The following TRAP1 variants were observed in gnomAD, a reference collection of about 807,000 sequenced individuals.
TRAP1 encodes TNF receptor associated protein 1.
In TRAP1, 102 loss-of-function variants were observed where a neutral mutation model predicts 89.1. That is an observed-to-expected ratio of 1.15 (90% CI 0.98 to 1.35). The LOEUF (loss-of-function observed/expected upper bound fraction) is 1.35. Ranked by LOEUF, TRAP1 falls within the 40% of genes most tolerant of loss-of-function variation. The probability of loss-of-function intolerance (pLI) is 0.00; values close to 1 mark genes in which losing one functional copy is unlikely to be tolerated. For missense variants in TRAP1, 1,256 were observed against 945.3 expected, an observed-to-expected ratio of 1.33 and a Z score of -4.31; for synonymous variants, 508 against 388.0, an observed-to-expected ratio of 1.31 and a Z score of -3.64.
At chr16:3,701,237 T>G (rs1161672059) in intron 1 of TRAP1, among the ~76,000 whole-genome samples, 1 of 152,158 alleles carries the variant, frequency 6.6e-6, no homozygotes, top group Non-Finnish European at 1.5e-5. Context: ...AACAAACAAT[T>G]CATCAGGAAA....
intron 11 of TRAP1, among the ~76,000 whole-genome samples, 195 bp from the exon 12 acceptor site, chr16:3,666,313 G>T (rs1244625112): frequency 1.3e-5 from 2 of 152,130 alleles, no homozygotes; most frequent in African/African-American, 4.8e-5. Context: ...AGGCAGCAGG[G>T]TGGAGGGCAG....
intron 8 of TRAP1, 82 bp from the exon 9 acceptor site, chr16:3,674,576 G>C: frequency 6.6e-7 from 1 of 1,525,976 alleles, no homozygotes; most frequent in Non-Finnish European, 8.9e-7. Context: ...AGCCAGTGCA[G>C]CGCCTGGCCC....
At chr16:3,707,978 A>G (rs1037937443) in intron 1 of TRAP1, among the ~76,000 whole-genome samples, 6 of 152,232 alleles carry the variant, frequency 3.9e-5, no homozygotes, top group South Asian at 2.1e-4. Context: ...TGAGACCAGG[A>G]GTTCAAGACA....
rs71133652 is a variant in TRAP1, at chr16:3,710,879, A to ATATATATATATTTTT, written c.88+6541_88+6542insAAAAATATATATATA. Among the ~76,000 whole-genome samples, 14 of 125,786 alleles carry ATATATATATATTTTT rather than the reference A, an allele frequency of 1.1e-4. No homozygotes were observed. The East Asian group carries it at 1.2e-3, about 11-fold the overall frequency. 82.5% of individuals were successfully genotyped at this position (125,786 alleles called of 152,430 possible). A position where few individuals can be genotyped will look rare whatever the true frequency, so the allele number is the denominator to read the frequency against. ...TGTGTATATATATATATATATATATATTTTTTTTTTTGAGACACTGTCACT... is the reference window on the plus strand; with the variant it reads ...TGTGTATATATATATATATATATATATATATATATATTTTTTTTTTTTTTTTGAGACACTGTCACT... On this transcript the variant is annotated intron_variant, in intron 1 of 17. Transcript: ENST00000246957.
At chr16:3,691,877 C>G (rs1158463435) in intron 1 of TRAP1, among the ~76,000 whole-genome samples, 2 of 152,162 alleles carry the variant, frequency 1.3e-5, no homozygotes, top group South Asian at 2.1e-4. Flanking sequence ...ACTTCCTGCT[C>G]AGTCCAGTGG....
chr16:3,660,342 T>A (rs2043000417), intron 16 of TRAP1: 1 of 152,150 alleles, frequency 6.6e-6, no homozygotes, highest in Non-Finnish European at 1.5e-5. Context: ...TTAAAACAAA[T>A]GAAAGTGAAG....
chr16:3,697,389 G>A (rs956717909), intron 1 of TRAP1, among the ~76,000 whole-genome samples: 1 of 152,046 alleles, frequency 6.6e-6, no homozygotes, highest in Non-Finnish European at 1.5e-5. Flanking sequence ...TAGTCGCCAG[G>A]AGCGGTGGCT....
chr16:3,691,636 G>C (rs2051216002), intron 1 of TRAP1, among the ~76,000 whole-genome samples: 1 of 151,874 alleles, frequency 6.6e-6, no homozygotes, highest in Non-Finnish European at 1.5e-5. Flanking sequence ...CCCCCGATGG[G>C]CCACACTTCT....
chr16:3,706,080 A>G (rs1478501366), intron 1 of TRAP1, among the ~76,000 whole-genome samples: 2 of 151,488 alleles, frequency 1.3e-5, no homozygotes, highest in Non-Finnish European at 2.9e-5. Flanking sequence ...CCCAGGGTCA[A>G]GTGATTCTCC....
At chr16:3,663,727 G>A (rs960982777) in intron 13 of TRAP1, 165 bp from the exon 14 acceptor site, 4 of 793,748 alleles carry the variant, frequency 5.0e-6, no homozygotes, top group African/African-American at 3.5e-5. Flanking sequence ...ACGACACCTG[G>A]GTCTAAGGAA....
intron 2 of TRAP1, among the ~76,000 whole-genome samples, chr16:3,690,474 G>C (rs2051198410): frequency 1.3e-5 from 2 of 152,186 alleles, no homozygotes; most frequent in South Asian, 4.1e-4. Flanking sequence ...TTATACTTCA[G>C]AGGGAATGAA....
At chr16:3,702,910 T>C (rs1406958558) in intron 1 of TRAP1, among the ~76,000 whole-genome samples, 1 of 150,990 alleles carries the variant, frequency 6.6e-6, no homozygotes, top group Non-Finnish European at 1.5e-5. Context: ...GGTGTTGTCG[T>C]GGATGCCTGT....
intron 1 of TRAP1, among the ~76,000 whole-genome samples, chr16:3,701,323 C>T (rs1046617946): frequency 1.3e-5 from 2 of 152,022 alleles, no homozygotes; most frequent in African/African-American, 4.8e-5. Flanking sequence ...GAATTAAAGA[C>T]AAAACAATTC....
rs773811826 is a variant in TRAP1, at chr16:3,677,623, G to A, written c.579C>T (p.Ala193=). 15 of 1,613,944 alleles carry A rather than the reference G, an allele frequency of 9.3e-6. No homozygotes were observed. The highest frequency in any genetic ancestry group is 1.7e-5 in the Admixed American group (1 of 59,994). The change falls in exon 6 of 18, where the codon GCC becomes GCT. Residue 193 remains alanine (A), a synonymous_variant. Transcript: ENST00000246957. ...FLDALQNQAE[A]SSKIIGQFGV... Reference sequence around the variant, plus strand: ...CAAACTGGCCGATGATCTTGCTGCTGGCCTCAGCCTGGTTCTGCAGAGCAT... The same window carrying A: ...CAAACTGGCCGATGATCTTGCTGCTAGCCTCAGCCTGGTTCTGCAGAGCAT...
intron 8 of TRAP1, chr16:3,674,822 C>G (rs529560334): frequency 7.5e-6 from 3 of 400,278 alleles, no homozygotes; most frequent in Non-Finnish European, 9.3e-6. Flanking sequence ...GCGATGACGA[C>G]CCACGCTGCA....
chr16:3,683,676 G>C (rs1372990108), intron 4 of TRAP1, among the ~76,000 whole-genome samples: 1 of 151,586 alleles, frequency 6.6e-6, no homozygotes, highest in East Asian at 1.9e-4. Context: ...GTGAGCCACT[G>C]CACCCGGCCA....
At chr16:3,668,279 C>T (rs895550550) in intron 11 of TRAP1, among the ~76,000 whole-genome samples, 4 of 151,256 alleles carry the variant, frequency 2.6e-5, no homozygotes, top group East Asian at 1.9e-4. Context: ...AGGCTGGTCT[C>T]GAACTCCTGA....
In TRAP1 at chr16:3,662,280, T is replaced by C. The variant is rs546761055; in HGVS notation, c.1795-148A>G. 1.1e-5 allele frequency: 10 copies of C among 943,964 alleles called. No homozygotes were observed. In the African/African-American group the frequency reaches 1.7e-4, roughly 16 times the overall value. 58.5% of individuals were successfully genotyped at this position (943,964 alleles called of 1,614,324 possible). A position where few individuals can be genotyped will look rare whatever the true frequency, so the allele number is the denominator to read the frequency against. ...CTGGACCAGCGCTGCTCCCTCCCCA[T>C]TACCCACTAACTTGTGGGCCCTGAG... On this transcript the variant is annotated intron_variant, in intron 15 of 17. Coordinates refer to ENST00000246957, the MANE Select transcript of TRAP1 (RefSeq NM_016292.3).
chr16:3,666,234 G>A (rs2050826935), intron 11 of TRAP1, 116 bp from the exon 12 acceptor site: 4 of 1,326,298 alleles, frequency 3.0e-6, no homozygotes, highest in Admixed American at 2.5e-5. Flanking sequence ...AAACAACAAG[G>A]TACCGTTATT....
Sources: allele counts gnomAD v4.1 joint callset (sites outside exome capture counted in the v4.1 genomes callset), GRCh38; gene constraint gnomAD v4.1.1; transcripts MANE v1.5; gene names NCBI Gene and HGNC (gene_info 2026-07-23, HGNC 2026-07-21).